TMEM135: variants seen among roughly 807,000 people sequenced by gnomAD.
TMEM135 encodes the protein peroxisomal membrane protein 52.
Under a neutral mutation model 60.3 loss-of-function variants are expected in TMEM135, and 30 were observed. The observed-to-expected ratio is 0.50, with a 90% CI of 0.37 to 0.68. The LOEUF (loss-of-function observed/expected upper bound fraction) is 0.68. Among genes scored for constraint, TMEM135 ranks in the 30% least tolerant of loss-of-function variants. TMEM135 has a pLI of 0.00. For synonymous variants in TMEM135, 190 were observed against 186.7 expected (o/e 1.02, Z -0.14); for missense variants, 468 against 548.8 (o/e 0.85, Z 1.47).
chr11:87,325,185 T>A lies in TMEM135; in HGVS notation c.*3852T>A, dbSNP rs974616762. ...GGGCTTTGTAGTACTATGTTTCTGT[T>A]TAAAGTAGTGGCCTCAGGTGACTTT... On this transcript the variant is annotated 3_prime_UTR_variant, in exon 15 of 15. Transcript: ENST00000305494. 2 of 454,012 alleles carry A rather than the reference T, an allele frequency of 4.4e-6. No individual in the cohort carries two copies. The highest frequency in any genetic ancestry group is 4.7e-5 in the Admixed American group (2 of 42,564). 28.1% of individuals were successfully genotyped at this position (454,012 alleles called of 1,614,324 possible).
chr11:87,055,416 T>C (rs1034149150), intron 1 of TMEM135, among the ~76,000 whole-genome samples: 2 of 152,216 alleles, frequency 1.3e-5, no homozygotes, highest in African/African-American at 2.4e-5. Flanking sequence ...GATTAACAGA[T>C]GCTCTGAAAC....
In TMEM135 at chr11:87,326,629, T is replaced by C; in HGVS notation, c.*5296T>C. 2.2e-6 allele frequency: 1 copy of C among 454,082 alleles called. No individual in the cohort carries two copies. Among genetic ancestry groups the C allele is most frequent in the Non-Finnish European group, 4.4e-6 (1 of 226,788 alleles). 28.1% of individuals were successfully genotyped at this position (454,082 alleles called of 1,614,324 possible). On this transcript the variant is annotated 3_prime_UTR_variant, in exon 15 of 15. Coordinates refer to ENST00000305494, the MANE Select transcript of TMEM135 (RefSeq NM_022918.4). ...TTTCTCCTATTCTTTTCTTTACCTT[T>C]CCTGGCCCATGCTTTCCTGCCATAT...
At position 87,100,168 on chromosome 11, in the gene TMEM135, T is replaced by C. The variant is rs139377254; in HGVS notation, c.396+8773T>C. On this transcript the variant is annotated intron_variant, in intron 4 of 14. Transcript: ENST00000305494. Reference sequence around the variant, plus strand: ...AATGCAAAATGTGAATTGGTGTTTTTAGCCATTTATAAATGCTCAGTAATT... The same window carrying C: ...AATGCAAAATGTGAATTGGTGTTTTCAGCCATTTATAAATGCTCAGTAATT... Among the ~76,000 whole-genome samples the C allele has an allele frequency of 2.9e-3, 435 of 152,326 alleles. 1 individual carries two copies. The highest frequency in any genetic ancestry group is 4.8e-3 in the Non-Finnish European group (328 of 68,032).
At chr11:87,189,162 C>G (rs1939735776) in intron 5 of TMEM135, among the ~76,000 whole-genome samples, 1 of 150,588 alleles carries the variant, frequency 6.6e-6, no homozygotes, top group Non-Finnish European at 1.5e-5. Context: ...CTTTCCCTTT[C>G]CCTTTCCTTT....
intron 6 of TMEM135, among the ~76,000 whole-genome samples, chr11:87,279,096 C>T (rs2135418543): frequency 6.6e-6 from 1 of 151,990 alleles, no homozygotes; most frequent in Non-Finnish European, 1.5e-5. Context: ...TTTATGCATT[C>T]ACATGTTGAT....
rs146443837 is a variant in TMEM135, at chr11:87,189,068, TCTTTC to T, written c.462+31673_462+31677del. 3.4e-3 allele frequency among the ~76,000 whole-genome samples: 515 copies of T among 149,960 alleles called. 28 individuals are homozygous for T. The East Asian group carries it at 0.088, about 25-fold the overall frequency. ...ATGCTATTCCTTACTTTTCCTTTTT[TCTTTC>T]CTTTCCTTTCTTTCCTTCCTTTTCC... is the stretch of plus-strand genomic sequence containing the variant. On this transcript the variant is annotated intron_variant, in intron 5 of 14. Transcript: ENST00000305494.
At chr11:87,199,704 C>T (rs1329349263) in intron 5 of TMEM135, among the ~76,000 whole-genome samples, 3 of 151,858 alleles carry the variant, frequency 2.0e-5, no homozygotes, top group Admixed American at 1.3e-4. Flanking sequence ...CCGAGGCAGG[C>T]GTATCACCTG....
chr11:87,168,183 A>G (rs1939120397), intron 5 of TMEM135, among the ~76,000 whole-genome samples: 1 of 151,826 alleles, frequency 6.6e-6, no homozygotes, highest in African/African-American at 2.4e-5. Flanking sequence ...TATTGTGTCT[A>G]TTTTATTCTT....
In TMEM135 at chr11:87,285,774, T is replaced by A. The variant is rs184760603; in HGVS notation, c.510-10008T>A. On this transcript the variant is annotated intron_variant, in intron 6 of 14. Transcript: ENST00000305494. ...TGCTGACTCTGGCAGCTTGCTTTTTTCCCCTTATCTGGCCCCACCCTCATC... is the reference window on the plus strand; with the variant it reads ...TGCTGACTCTGGCAGCTTGCTTTTTACCCCTTATCTGGCCCCACCCTCATC... Among the ~76,000 whole-genome samples, 6 of 152,314 alleles carry A rather than the reference T, an allele frequency of 3.9e-5. 1 individual carries two copies. The East Asian group carries it at 1.2e-3, about 29-fold the overall frequency.
intron 5 of TMEM135, among the ~76,000 whole-genome samples, chr11:87,189,578 T>C (rs1939747523): frequency 6.6e-6 from 1 of 152,068 alleles, no homozygotes; most frequent in African/African-American, 2.4e-5. Flanking sequence ...GACAAAAATA[T>C]TTATAGAACT....
intron 5 of TMEM135, among the ~76,000 whole-genome samples, chr11:87,194,010 G>A (rs1337469198): frequency 6.6e-6 from 1 of 151,974 alleles, no homozygotes; most frequent in Non-Finnish European, 1.5e-5. Context: ...ATGTAGTAAT[G>A]TTCATGACAT....
Position 87,057,205 on chromosome 11 carries a change from G to A in TMEM135, c.142-10489G>A, listed in dbSNP as rs1372040750. ...GTATATTTTTATTTTTATCTTGAAA[G>A]CCTATCTCAACTTTTATATAAAAAT... is the stretch of plus-strand genomic sequence containing the variant. On this transcript the variant is annotated intron_variant, in intron 1 of 14. Transcript: ENST00000305494. Among the ~76,000 whole-genome samples the A allele has an allele frequency of 2.6e-5, 4 of 152,122 alleles. No individual in the cohort carries two copies. The East Asian group carries it at 5.8e-4, about 22-fold the overall frequency.
chr11:87,061,833 A>T (rs1949949612), intron 1 of TMEM135, among the ~76,000 whole-genome samples: 1 of 152,158 alleles, frequency 6.6e-6, no homozygotes, highest in African/African-American at 2.4e-5. Context: ...TTATGAAGAG[A>T]TACTTCTAAA....
intron 6 of TMEM135, among the ~76,000 whole-genome samples, chr11:87,281,858 C>T (rs570279297): frequency 3.3e-5 from 5 of 152,324 alleles, no homozygotes; most frequent in African/African-American, 1.2e-4. Context: ...CTCTGTTACC[C>T]TAAGGTACAA....
At position 87,322,831 on chromosome 11, in the gene TMEM135, T is replaced by G. The variant is rs553388568; in HGVS notation, c.*1498T>G. On this transcript the variant is annotated 3_prime_UTR_variant, in exon 15 of 15. Coordinates refer to ENST00000305494, the MANE Select transcript of TMEM135 (RefSeq NM_022918.4). ...CTATGGTAACAGAGCCACTTTATCA[T>G]TTGGTCAAAATTTGGCATTATGATT... 93 of 454,432 alleles carry G rather than the reference T, an allele frequency of 2.0e-4. No individual in the cohort carries two copies. The highest frequency in any genetic ancestry group is 1.7e-3 in the African/African-American group (86 of 50,114). 28.1% of individuals were successfully genotyped at this position (454,432 alleles called of 1,614,324 possible).
intron 1 of TMEM135, among the ~76,000 whole-genome samples, chr11:87,056,313 C>T (rs193261132): frequency 6.6e-6 from 1 of 152,202 alleles, no homozygotes; most frequent in African/African-American, 2.4e-5. Flanking sequence ...TTTTCCTAGC[C>T]CTCACTCAAA....
chr11:87,097,609 T>TG (rs150229552), intron 4 of TMEM135, among the ~76,000 whole-genome samples: 16 of 152,226 alleles, frequency 1.1e-4, no homozygotes, highest in East Asian at 5.8e-4. Context: ...CCTGTGGTTA[T>TG]GGGGGGGTCT....
At chr11:87,184,779 C>T (rs767529972) in intron 5 of TMEM135, among the ~76,000 whole-genome samples, 3 of 152,188 alleles carry the variant, frequency 2.0e-5, no homozygotes, top group African/African-American at 7.2e-5. Context: ...GTTACATACT[C>T]TTATAAGTTA....
chr11:87,212,626 A>G (rs142672077), intron 5 of TMEM135, among the ~76,000 whole-genome samples: 3 of 152,152 alleles, frequency 2.0e-5, no homozygotes, highest in African/African-American at 7.2e-5. Flanking sequence ...GTTTGAGACC[A>G]TCCTGGGCAA....
Sources: allele counts gnomAD v4.1 joint callset (sites outside exome capture counted in the v4.1 genomes callset), GRCh38; gene constraint gnomAD v4.1.1; transcripts MANE v1.5; gene names NCBI Gene and HGNC (gene_info 2026-07-23, HGNC 2026-07-21).